The following EPHA4 variants were observed in gnomAD, a reference collection of about 807,000 sequenced individuals.
The protein encoded by EPHA4 is EPH receptor A4.
EPHA4 carries 19 observed loss-of-function variants against 108.3 expected under a neutral mutation model. The observed-to-expected ratio is 0.18, with a 90% confidence interval of 0.12 to 0.26. The LOEUF is 0.26. Ranked by LOEUF, EPHA4 falls within the 10% of genes least tolerant of loss-of-function variation. The pLI is 1.00. For synonymous variants in EPHA4, 449 were observed against 455.5 expected (o/e 0.99, Z 0.18); for missense variants, 917 against 1,254.0 (o/e 0.73, Z 4.06).
intron 3 of EPHA4, among the ~76,000 whole-genome samples, chr2:221,544,407 C>A (rs556872280): frequency 5.9e-5 from 9 of 152,264 alleles, no homozygotes; most frequent in African/African-American, 1.9e-4. Flanking sequence ...CTCACTGCAA[C>A]CTCCACCTCC....
rs71432652 is a variant in EPHA4, at chr2:221,558,301, G to A, written c.823+5430C>T. Among the ~76,000 whole-genome samples, 15 of 152,142 alleles carry A rather than the reference G, an allele frequency of 9.9e-5. 1 individual carries two copies. Among genetic ancestry groups the A allele is most frequent in the African/African-American group, 3.6e-4 (15 of 41,514 alleles). ...AACTGTGTGTGTGTATGTATGGGTGGATGTGGGTGTGTGTGTGTGTGGGCA... is the reference window on the plus strand; with the variant it reads ...AACTGTGTGTGTGTATGTATGGGTGAATGTGGGTGTGTGTGTGTGTGGGCA... On this transcript the variant is annotated intron_variant, in intron 3 of 17. Coordinates refer to ENST00000281821, the MANE Select transcript of EPHA4 (RefSeq NM_004438.5).
chr2:221,503,282 G>C (rs1397981972), intron 3 of EPHA4, among the ~76,000 whole-genome samples: 2 of 152,150 alleles, frequency 1.3e-5, no homozygotes, highest in Non-Finnish European at 2.9e-5. Context: ...ATTTCAACAA[G>C]CATCAAAAAC....
At chr2:221,437,477 A>G (rs1160814312) in intron 11 of EPHA4, 1 of 177,664 alleles carries the variant, frequency 5.6e-6, no homozygotes, top group African/African-American at 2.4e-5. Context: ...TCTTTAGGAT[A>G]ATTAATTTAT....
At chr2:221,545,625 C>T (rs1693974203) in intron 3 of EPHA4, among the ~76,000 whole-genome samples, 2 of 152,144 alleles carry the variant, frequency 1.3e-5, no homozygotes, top group South Asian at 4.1e-4. Context: ...ATTACCTCCT[C>T]CTCAAGGATT....
At chr2:221,437,156 G>A (rs1466815082) in intron 11 of EPHA4, 34 bp from the exon 12 acceptor site, 2 of 1,486,706 alleles carry the variant, frequency 1.3e-6, no homozygotes, top group East Asian at 2.3e-5. Context: ...ACAAACCTTT[G>A]ATGAGCGCTG....
At position 221,563,768 on chromosome 2, in the gene EPHA4, G is replaced by A; in HGVS notation, c.786C>T (p.Cys262=). ...CGCTCCGCTCCTCATGCCCAGCGTT[G>A]CATAGGCAGTTGCCAATGGGTACCA... ...EWLVPIGNCL[C]NAGHEERSGE... is the part of the protein sequence containing the mutation. The change falls in exon 3 of 18, where the codon TGC becomes TGT. Residue 262 remains cysteine, a synonymous_variant. Transcript: ENST00000281821. The A allele has an allele frequency of 6.2e-7, 1 of 1,614,206 alleles. No individual in the cohort carries two copies. The highest frequency in any genetic ancestry group is 1.3e-5 in the African/African-American group (1 of 75,036).
At chr2:221,522,459 C>T (rs1266346333) in intron 3 of EPHA4, among the ~76,000 whole-genome samples, 1 of 152,114 alleles carries the variant, frequency 6.6e-6, no homozygotes, top group African/African-American at 2.4e-5. Context: ...TGTTCAATGA[C>T]CAACCTATAA....
chr2:221,550,830 A>T (rs1327597852), intron 3 of EPHA4, among the ~76,000 whole-genome samples: 2 of 152,014 alleles, frequency 1.3e-5, no homozygotes, highest in East Asian at 3.9e-4. Flanking sequence ...AAGAGAGTTT[A>T]TGGTTTATCA....
chr2:221,487,418 A>T (rs1447049075), intron 4 of EPHA4, among the ~76,000 whole-genome samples: 4 of 152,192 alleles, frequency 2.6e-5, no homozygotes, highest in Non-Finnish European at 5.9e-5. Context: ...GTTTTATCAA[A>T]TTGGGATTGG....
rs1009819257 is a variant in EPHA4 at position 221,524,355 on chromosome 2, G to A, written c.824-23183C>T. 2.6e-5 allele frequency among the ~76,000 whole-genome samples: 4 copies of A among 152,322 alleles called. No individual in the cohort carries two copies. In the South Asian group the frequency reaches 6.2e-4, roughly 24 times the overall value. On this transcript the variant is annotated intron_variant, in intron 3 of 17. Coordinates refer to ENST00000281821, the MANE Select transcript of EPHA4 (RefSeq NM_004438.5). ...CATAATCACCTATATACAGTCAAGA[G>A]GGAAAGTGGTAAATGACACGTCTCT...
chr2:221,502,975 G>T (rs1692524193), intron 3 of EPHA4, among the ~76,000 whole-genome samples: 1 of 152,166 alleles, frequency 6.6e-6, no homozygotes, highest in African/African-American at 2.4e-5. Flanking sequence ...AACTTGCAAG[G>T]TGCTTTTTTG....
chr2:221,516,760 C>T (rs1276525596), intron 3 of EPHA4, among the ~76,000 whole-genome samples: 1 of 152,180 alleles, frequency 6.6e-6, no homozygotes, highest in East Asian at 1.9e-4. Flanking sequence ...TTTATCTTTC[C>T]TTCCAGGACT....
intron 5 of EPHA4, among the ~76,000 whole-genome samples, chr2:221,476,695 C>T (rs1238610077): frequency 6.6e-6 from 1 of 152,140 alleles, no homozygotes; most frequent in Non-Finnish European, 1.5e-5. Context: ...TTTCTTGAAG[C>T]TTTCCTCTTA....
chr2:221,449,985 C>T (rs1037714212), intron 8 of EPHA4, among the ~76,000 whole-genome samples: 8 of 152,126 alleles, frequency 5.3e-5, no homozygotes, highest in African/African-American at 9.7e-5. Flanking sequence ...ATTCTTGCAC[C>T]GAATGATGTC....
At chr2:221,512,801 G>C (rs1300996914) in intron 3 of EPHA4, among the ~76,000 whole-genome samples, 1 of 152,168 alleles carries the variant, frequency 6.6e-6, no homozygotes, top group Non-Finnish European at 1.5e-5. Context: ...CATAATAACA[G>C]TAATGGCAAT....
At chr2:221,532,662 C>T (rs1693554225) in intron 3 of EPHA4, 1 of 152,214 alleles carries the variant, frequency 6.6e-6, no homozygotes, top group Non-Finnish European at 1.5e-5. Context: ...TGTTATAGAT[C>T]CACACAGCCT....
intron 4 of EPHA4, among the ~76,000 whole-genome samples, chr2:221,491,629 C>A (rs1380155697): frequency 6.6e-6 from 1 of 152,146 alleles, no homozygotes; most frequent in African/African-American, 2.4e-5. Flanking sequence ...CCTCACTTCC[C>A]TGCCCTTCAT....
intron 3 of EPHA4, among the ~76,000 whole-genome samples, chr2:221,531,240 A>G (rs1190663164): frequency 1.3e-5 from 2 of 152,184 alleles, no homozygotes; most frequent in African/African-American, 4.8e-5. Flanking sequence ...AGATGTTTAT[A>G]CTGGTAGGTT....
chr2:221,502,759 AACTG>A (rs1692519827), intron 3 of EPHA4, among the ~76,000 whole-genome samples: 1 of 152,218 alleles, frequency 6.6e-6, no homozygotes, highest in East Asian at 1.9e-4. Context: ...CACTCTTACT[AACTG>A]AAGTTGTTTA....
Sources: gnomAD v4.1 joint callset for allele counts (sites outside exome capture counted in the v4.1 genomes callset) on GRCh38, gnomAD v4.1.1 for gene constraint, MANE v1.5 for transcripts, NCBI Gene and HGNC (gene_info 2026-07-23, HGNC 2026-07-21) for gene names.